RASAL2: variants seen among roughly 807,000 people sequenced by gnomAD.
RASAL2 encodes the protein RAS protein activator like 2.
RASAL2 carries 58 observed loss-of-function variants against 128.9 expected under a neutral mutation model. That is an observed-to-expected ratio of 0.45 (90% CI 0.36 to 0.56). The LOEUF (loss-of-function observed/expected upper bound fraction) is 0.56. Ranked by LOEUF, RASAL2 falls within the 20% of genes least tolerant of loss-of-function variation. RASAL2 has a pLI of 0.00. For missense variants in RASAL2, 1,360 were observed against 1,601.6 expected, an observed-to-expected ratio of 0.85 and a Z score of 2.57; for synonymous variants, 561 against 580.8, an observed-to-expected ratio of 0.97 and a Z score of 0.49.
At chr1:178,198,091 G>C (rs533413483) in intron 1 of RASAL2, among the ~76,000 whole-genome samples, 1 of 152,282 alleles carries the variant, frequency 6.6e-6, no homozygotes, top group Non-Finnish European at 1.5e-5. Flanking sequence ...GCTTAATCCA[G>C]TCTATCATTG....
At chr1:178,115,184 ATTAT>A (rs1295592272) in intron 1 of RASAL2, among the ~76,000 whole-genome samples, 1 of 152,140 alleles carries the variant, frequency 6.6e-6, no homozygotes, top group Non-Finnish European at 1.5e-5. Context: ...GGCTATTTAG[ATTAT>A]TTGTTTCTTC....
intron 1 of RASAL2, among the ~76,000 whole-genome samples, chr1:178,205,368 G>C (rs1484877353): frequency 6.6e-6 from 1 of 152,112 alleles, no homozygotes; most frequent in Non-Finnish European, 1.5e-5. Flanking sequence ...AGATCTTAGA[G>C]AAATTTTTAT....
At chr1:178,132,473 T>G (rs1012211717) in intron 1 of RASAL2, among the ~76,000 whole-genome samples, 21 of 152,288 alleles carry the variant, frequency 1.4e-4, no homozygotes, top group Middle Eastern at 6.8e-3. Flanking sequence ...CTTTTATGTT[T>G]GTAGTTTCTA....
At chr1:178,120,301 A>C (rs991672039) in intron 1 of RASAL2, among the ~76,000 whole-genome samples, 17 of 149,866 alleles carry the variant, frequency 1.1e-4, no homozygotes, top group African/African-American at 4.2e-4. Context: ...TGGCAGTCTT[A>C]GAGTCCCCTG....
intron 3 of RASAL2, among the ~76,000 whole-genome samples, chr1:178,365,462 TTA>T (rs1671349089): frequency 6.6e-6 from 1 of 151,738 alleles, no homozygotes; most frequent in South Asian, 2.1e-4. Flanking sequence ...TTATGTTATG[TTA>T]TGTTATGTTA....
Position 178,373,274 on chromosome 1 carries a change from C to CTTTTTTTTTTTTTTTTTTTTTTTT in RASAL2, c.458-16811_458-16810insTTTTTTTTTTTTTTTTTTTTTTTT. Among the ~76,000 whole-genome samples, 109 of 60,004 alleles carry CTTTTTTTTTTTTTTTTTTTTTTTT rather than the reference C, an allele frequency of 1.8e-3. 16 individuals carry two copies. The highest frequency in any genetic ancestry group is 2.7e-3 in the African/African-American group (37 of 13,458). The allele number at this position is 60,004 out of a possible 152,430, so 39.4% of individuals were successfully genotyped here. ...TCAATCTTAGCATTCTGTTTCTTTCCTTTTTTTTTTTTTTTGCAGTTTAGA... is the reference window on the plus strand; with the variant it reads ...TCAATCTTAGCATTCTGTTTCTTTCCTTTTTTTTTTTTTTTTTTTTTTTTTTTTTTTTTTTTTTTGCAGTTTAGA... On this transcript the variant is annotated intron_variant, in intron 3 of 17. Coordinates refer to ENST00000367649, the MANE Select transcript of RASAL2 (RefSeq NM_170692.4).
At chr1:178,228,802 A>T (rs1205714813) in intron 1 of RASAL2, among the ~76,000 whole-genome samples, 1 of 152,150 alleles carries the variant, frequency 6.6e-6, no homozygotes, top group Non-Finnish European at 1.5e-5. Context: ...AGATATCTTA[A>T]TAGGGTGATC....
chr1:178,260,366 ATATATATATATATATATATATAT>A (rs1557861634), intron 1 of RASAL2, among the ~76,000 whole-genome samples: 391 of 19,296 alleles, frequency 0.02, 98 homozygotes, highest in East Asian at 0.12. Flanking sequence ...AAAAAAAAAT[ATATATATATATATATATATATAT>A]ATATATATAT....
chr1:178,260,226 G>A lies in RASAL2; in HGVS notation c.203-23338G>A, dbSNP rs779526642. The stretch of plus-strand genomic sequence containing the variant: ...AAATTAGCCGGGCGTGGTGGCTGGC[G>A]CCTGTAATCCCAGCCACTTGGGAGG... On this transcript the variant is annotated intron_variant, in intron 1 of 17. Coordinates refer to ENST00000367649, the MANE Select transcript of RASAL2 (RefSeq NM_170692.4). Among the ~76,000 whole-genome samples, 900 of 148,904 alleles carry A rather than the reference G, an allele frequency of 6.0e-3. 8 individuals are homozygous for A. Among genetic ancestry groups the A allele is most frequent in the Non-Finnish European group, 8.4e-3 (567 of 67,102 alleles).
At chr1:178,141,913 C>A (rs1235273031) in intron 1 of RASAL2, among the ~76,000 whole-genome samples, 1 of 151,858 alleles carries the variant, frequency 6.6e-6, no homozygotes, top group African/African-American at 2.4e-5. Flanking sequence ...TAGAAAAACC[C>A]CTATACGATG....
chr1:178,213,867 A>T lies in RASAL2; in HGVS notation c.203-69697A>T, dbSNP rs189999735. ...TACATGAGAACTCACTGAACTTTTT[A>T]CTATAGATATGAGGACTTTATATAG... On this transcript the variant is annotated intron_variant, in intron 1 of 17. Coordinates refer to ENST00000367649, the MANE Select transcript of RASAL2 (RefSeq NM_170692.4). Among the ~76,000 whole-genome samples, 545 of 151,852 alleles carry T rather than the reference A, an allele frequency of 3.6e-3. 8 individuals are homozygous for T. The highest frequency in any genetic ancestry group is 5.7e-3 in the Non-Finnish European group (386 of 67,930).
chr1:178,344,013 A>T (rs1430287288), intron 3 of RASAL2, among the ~76,000 whole-genome samples: 1 of 152,164 alleles, frequency 6.6e-6, no homozygotes, highest in Non-Finnish European at 1.5e-5. Context: ...GGTATAGTGA[A>T]ATGAGTGGCA....
intron 1 of RASAL2, among the ~76,000 whole-genome samples, chr1:178,135,759 A>G (rs1660299961): frequency 6.6e-6 from 1 of 152,240 alleles, no homozygotes; most frequent in Admixed American, 6.5e-5. Flanking sequence ...AAGCCTCACA[A>G]TAATGGTGGA....
chr1:178,392,922 T>C (rs1219887696), intron 4 of RASAL2, among the ~76,000 whole-genome samples: 3 of 152,204 alleles, frequency 2.0e-5, no homozygotes, highest in East Asian at 3.8e-4. Flanking sequence ...CAAAAATTTA[T>C]ACTTTTAAAA....
At chr1:178,284,389 C>T (rs756555777) in intron 2 of RASAL2, among the ~76,000 whole-genome samples, 1 of 152,124 alleles carries the variant, frequency 6.6e-6, no homozygotes, top group Non-Finnish European at 1.5e-5. Context: ...AAATCTAACT[C>T]GAAGGCAGAA....
intron 2 of RASAL2, among the ~76,000 whole-genome samples, chr1:178,293,333 G>A (rs1016815224): frequency 4.6e-5 from 7 of 152,174 alleles, no homozygotes; most frequent in African/African-American, 1.7e-4. Context: ...TGGCAATGGG[G>A]AATTACCAAA....
chr1:178,174,747 C>T lies in RASAL2; in HGVS notation c.202+80053C>T, dbSNP rs938062701. 8.5e-5 allele frequency among the ~76,000 whole-genome samples: 13 copies of T among 152,120 alleles called. No homozygotes were observed. The South Asian group carries it at 1.7e-3, about 19-fold the overall frequency. On this transcript the variant is annotated intron_variant, in intron 1 of 17. Transcript: ENST00000367649. ...TTAAACAGTGTAGAGTGTTCATGCACGAACCCTTTGACTTTGGCATTTACT... is the reference window on the plus strand; with the variant it reads ...TTAAACAGTGTAGAGTGTTCATGCATGAACCCTTTGACTTTGGCATTTACT...
intron 2 of RASAL2, among the ~76,000 whole-genome samples, chr1:178,287,736 C>T (rs1667097519): frequency 6.6e-6 from 1 of 152,064 alleles, no homozygotes. Context: ...TGAAGTAACT[C>T]AGGAATGGAG....
rs186888607 is a variant in RASAL2, at chr1:178,361,331, G to T, written c.458-28769G>T. Reference sequence around the variant, plus strand: ...TCTGGATACATCTAGATACAGTGTTGTAACAATCCAGGTGATAAATGTATT... The same window carrying T: ...TCTGGATACATCTAGATACAGTGTTTTAACAATCCAGGTGATAAATGTATT... On this transcript the variant is annotated intron_variant, in intron 3 of 17. Coordinates refer to ENST00000367649, the MANE Select transcript of RASAL2 (RefSeq NM_170692.4). 1.1e-3 allele frequency among the ~76,000 whole-genome samples: 164 copies of T among 151,826 alleles called. 2 individuals are homozygous for T. In the East Asian group the frequency reaches 0.018, roughly 17 times the overall value.
Sources: gnomAD v4.1 joint callset for allele counts (sites outside exome capture counted in the v4.1 genomes callset) on GRCh38, gnomAD v4.1.1 for gene constraint, MANE v1.5 for transcripts, NCBI Gene and HGNC (gene_info 2026-07-23, HGNC 2026-07-21) for gene names.